Variants in ATG2A observed in about 807,000 individuals in gnomAD.
ATG2A encodes autophagy-related protein 2 homolog A.
A neutral mutation model predicts 214.2 loss-of-function variants in ATG2A; 103 were observed. The observed-to-expected ratio is 0.48, with a 90% CI of 0.41 to 0.57. ATG2A has a LOEUF of 0.57. Ranked by LOEUF, ATG2A falls within the 20% of genes least tolerant of loss-of-function variation. ATG2A has a pLI of 0.00. For missense variants in ATG2A, 2,312 were observed against 2,613.2 expected (o/e 0.88, Z 2.51); for synonymous variants, 1,160 against 1,142.1 (o/e 1.02, Z -0.32).
intron 1 of ATG2A, among the ~76,000 whole-genome samples, chr11:64,915,358 G>A (rs1271076085): frequency 1.3e-5 from 2 of 152,188 alleles, no homozygotes; most frequent in African/African-American, 2.4e-5. Flanking sequence ...ACATGGCAGA[G>A]CAGATGGGAG....
At position 64,906,919 on chromosome 11, in the gene ATG2A, C is replaced by T; in HGVS notation, c.2833-104G>A. 4 of 1,339,060 alleles carry T rather than the reference C, an allele frequency of 3.0e-6. No individual in the cohort carries two copies. In the South Asian group the frequency reaches 5.6e-5, roughly 19 times the overall value. The allele number at this position is 1,339,060 out of a possible 1,614,324, so 82.9% of individuals were successfully genotyped here. ...GAGCCCTGGCCTAAGGGGGTCAGCTCCAGTTTCCACCATGGACGCTGCTGG... is the reference window on the plus strand; with the variant it reads ...GAGCCCTGGCCTAAGGGGGTCAGCTTCAGTTTCCACCATGGACGCTGCTGG... On this transcript the variant is annotated intron_variant, in intron 19 of 40. Coordinates refer to ENST00000377264, the MANE Select transcript of ATG2A (RefSeq NM_015104.3).
intron 16 of ATG2A, 88 bp from the exon 17 acceptor site, chr11:64,907,978 C>A: frequency 1.4e-6 from 2 of 1,450,198 alleles, no homozygotes; most frequent in South Asian, 1.3e-5. Flanking sequence ...GCCCTCCTGT[C>A]GTTCATCATT....
intron 39 of ATG2A, among the ~76,000 whole-genome samples, chr11:64,896,016 G>A (rs901689478): frequency 2.6e-5 from 4 of 152,162 alleles, no homozygotes; most frequent in Admixed American, 6.5e-5. Flanking sequence ...CCCCTTAGCC[G>A]CCTAGGACCA....
rs766633977 is a variant in ATG2A, at chr11:64,913,346, C to A, written c.646G>T (p.Val216Leu). 1.9e-6 allele frequency: 3 copies of A among 1,603,476 alleles called. No homozygotes were observed. The highest frequency in any genetic ancestry group is 4.5e-5 in the East Asian group (2 of 44,506). Residue 216 changes from valine (V) to leucine (L), a missense_variant, in exon 5 of 41, where the codon GTG becomes TTG. Transcript: ENST00000377264. The surrounding 1 kb of genome is among the most constrained non-coding windows in gnomAD (Gnocchi z 4.3). Reference sequence around the variant, plus strand: ...TGCAGGAAGGCAGGCGGCTGATGCACGTCCACCGGCGGCGCCTGGCTTGGG... The same window carrying A: ...TGCAGGAAGGCAGGCGGCTGATGCAAGTCCACCGGCGGCGCCTGGCTTGGG... Reference protein sequence around the residue: ...RDPSQAPPVDVHQPPAFLHKL... With the variant: ...RDPSQAPPVDLHQPPAFLHKL...
Position 64,907,359 on chromosome 11 carries a change from G to A in ATG2A, c.2728C>T (p.Pro910Ser), listed in dbSNP as rs1413133154. ...GGGGCCTCAGGGGCAGCGGCCTGTG[G>A]GCCACCTGATGCCCCCACTGAGAAG... ...HFFSVGASGG[P>S]QAAAPEAPSL... Residue 910 changes from proline to serine, a missense_variant, in exon 19 of 41, where the codon CCA becomes TCA. Pro to Ser is a moderately conservative substitution (Grantham distance 74, BLOSUM62 -1). Coordinates refer to ENST00000377264, the MANE Select transcript of ATG2A (RefSeq NM_015104.3). 1.9e-6 allele frequency: 3 copies of A among 1,559,076 alleles called. No homozygotes were observed. The highest frequency in any genetic ancestry group is 1.9e-5 in the Admixed American group (1 of 51,874).
At position 64,903,054 on chromosome 11, in the gene ATG2A, G is replaced by A. The variant is rs757229057; in HGVS notation, c.3612+234C>T. On this transcript the variant is annotated intron_variant, in intron 26 of 40. Coordinates refer to ENST00000377264, the MANE Select transcript of ATG2A (RefSeq NM_015104.3). This position sits in a 1 kb window ranked among gnomAD's most constrained non-coding sequence, Gnocchi z 4.2. ...GGGCCTCGCTGGTGCCCTGGCTGCCGCGTCCTCTGGTGGCAGGGCTGAAAC... is the reference window on the plus strand; with the variant it reads ...GGGCCTCGCTGGTGCCCTGGCTGCCACGTCCTCTGGTGGCAGGGCTGAAAC... Among the ~76,000 whole-genome samples, 2 of 152,160 alleles carry A rather than the reference G, an allele frequency of 1.3e-5. No individual in the cohort carries two copies. The highest frequency in any genetic ancestry group is 3.8e-4 in the East Asian group (2 of 5,196).
In ATG2A at chr11:64,914,402, G is replaced by A; in HGVS notation, c.270C>T (p.Leu90=). The change falls in exon 2 of 41, where the codon CTC becomes CTT. Residue 90 remains leucine, a synonymous_variant. Transcript: ENST00000377264. The stretch of plus-strand genomic sequence containing the variant: ...ACACGCGCACTGTGCAGTGGTCGGT[G>A]AGCAGAGCAGCCCAGGGCACGGCCA... The part of the protein sequence containing the change: ...IEVAVPWAAL[L]TDHCTVRVSG... 2 of 1,612,116 alleles carry A rather than the reference G, an allele frequency of 1.2e-6. No individual in the cohort carries two copies. The highest frequency in any genetic ancestry group is 1.7e-6 in the Non-Finnish European group (2 of 1,179,566).
chr11:64,913,442 G>A lies in ATG2A; in HGVS notation c.591-41C>T. ...TCAGCCCGTGCCCTGGCCACCCCAGGCCTGGAGCCCCTCTCTCCACACAGT... is the reference window on the plus strand; with the variant it reads ...TCAGCCCGTGCCCTGGCCACCCCAGACCTGGAGCCCCTCTCTCCACACAGT... On this transcript the variant is annotated intron_variant, in intron 4 of 40. Coordinates refer to ENST00000377264, the MANE Select transcript of ATG2A (RefSeq NM_015104.3). This position sits in a 1 kb window ranked among gnomAD's most constrained non-coding sequence, Gnocchi z 4.3. 1.3e-6 allele frequency: 2 copies of A among 1,518,372 alleles called. No individual in the cohort carries two copies. The highest frequency in any genetic ancestry group is 1.8e-6 in the Non-Finnish European group (2 of 1,129,192). 94.1% of individuals were successfully genotyped at this position (1,518,372 alleles called of 1,614,324 possible).
In ATG2A at chr11:64,900,585, C is replaced by A. The variant is rs1451382226; in HGVS notation, c.4373G>T (p.Cys1458Phe). The A allele has an allele frequency of 6.2e-7, 1 of 1,612,738 alleles. No homozygotes were observed. The highest frequency in any genetic ancestry group is 8.5e-7 in the Non-Finnish European group (1 of 1,179,718). ...GTTCTGGGGCCGGTTGGGGCCAGAG[C>A]AGCGGGAAGGGGAGCTCCTGGGACC... is the stretch of plus-strand genomic sequence containing the variant. ...LSGPRSSPSR[C>F]SGPNRPQNSW... The change falls in exon 31 of 41, where the codon TGC (cysteine) becomes TTC (phenylalanine). Residue 1458 changes from cysteine (C) to phenylalanine (F), a missense_variant. Coordinates refer to ENST00000377264, the MANE Select transcript of ATG2A (RefSeq NM_015104.3).
Position 64,913,153 on chromosome 11 carries a change from TA to T in ATG2A, c.727-18del. On this transcript the variant is annotated intron_variant, in intron 5 of 40. Coordinates refer to ENST00000377264, the MANE Select transcript of ATG2A (RefSeq NM_015104.3). This position sits in a 1 kb window ranked among gnomAD's most constrained non-coding sequence, Gnocchi z 4.3. ...AGGCTCTTCCTGGGAGACGGGAGGA[TA>T]CAAGAGGGAAAGGTTGAGAAAATGG... is the stretch of plus-strand genomic sequence containing the variant. 1 of 1,591,274 alleles carries T rather than the reference TA, an allele frequency of 6.3e-7. No homozygotes were observed. The highest frequency in any genetic ancestry group is 8.6e-7 in the Non-Finnish European group (1 of 1,166,976).
intron 6 of ATG2A, chr11:64,912,752 C>A: frequency 2.2e-6 from 1 of 453,132 alleles, no homozygotes; most frequent in Non-Finnish European, 3.9e-6. Context: ...TGCCACCACG[C>A]CTGGCTAATT....
rs775368211 is a variant in ATG2A at position 64,903,405 on chromosome 11, A to T, written c.3536-41T>A. 5 of 1,605,624 alleles carry T rather than the reference A, an allele frequency of 3.1e-6. No individual in the cohort carries two copies. Among genetic ancestry groups the T allele is most frequent in the Non-Finnish European group, 3.4e-6 (4 of 1,173,594 alleles). ...GAGAAAGGTCCTGTGGCCCCCTTCC[A>T]CCCGGCCCCGGCCCCAGCACCTGGG... is the stretch of plus-strand genomic sequence containing the variant. On this transcript the variant is annotated intron_variant, in intron 25 of 40. Transcript: ENST00000377264. The surrounding 1 kb of genome is among the most constrained non-coding windows in gnomAD (Gnocchi z 4.2).
At position 64,911,972 on chromosome 11, in the gene ATG2A, G is replaced by A. The variant is rs781692739; in HGVS notation, c.1098C>T (p.Phe366=). The change falls in exon 9 of 41, where the codon TTC becomes TTT. Residue 366 remains phenylalanine, a synonymous_variant. Transcript: ENST00000377264. The part of the protein sequence containing the change: ...LLNLDNTDLF[F]SMAGLTSSVA... ...CACTGCTTGTGAGGCCAGCCATGGA[G>A]AAGAAGAGGTCTGTGGGTGAAGTGA... 6.2e-6 allele frequency: 10 copies of A among 1,613,770 alleles called. No homozygotes were observed. In the South Asian group the frequency reaches 8.8e-5, roughly 14 times the overall value.
Position 64,894,817 on chromosome 11 carries a change from C to T in ATG2A, c.*156G>A, listed in dbSNP as rs1207160058. ...TAAGGCCCCAAGGCAGGGAGGCCCC[C>T]CTCTCACAGCAGATTGGCAACGGGC... is the stretch of plus-strand genomic sequence containing the variant. On this transcript the variant is annotated 3_prime_UTR_variant, in exon 41 of 41. Coordinates refer to ENST00000377264, the MANE Select transcript of ATG2A (RefSeq NM_015104.3). 2.1e-6 allele frequency: 2 copies of T among 932,650 alleles called. No homozygotes were observed. The highest frequency in any genetic ancestry group is 3.4e-5 in the Admixed American group (2 of 58,238). The allele number at this position is 932,650 out of a possible 1,614,324, so 57.8% of individuals were successfully genotyped here.
chr11:64,901,035 C>T lies in ATG2A; in HGVS notation c.4177G>A (p.Asp1393Asn), dbSNP rs570677948. The T allele has an allele frequency of 1.3e-6, 2 of 1,588,430 alleles. No individual in the cohort carries two copies. Among genetic ancestry groups the T allele is most frequent in the East Asian group, 4.6e-5 (2 of 43,346 alleles). ...CCGATCGGCCGTGAGAAGTAACCGT[C>T]CCTCACAACGATGGGGCCGGGATGC... The part of the protein sequence containing the change: ...QLHPGPIVVR[D>N]GYFSRPIGST... Residue 1393 changes from aspartate (D) to asparagine (N), a missense_variant, in exon 30 of 41, where the codon GAC (aspartate) becomes AAC (asparagine). Coordinates refer to ENST00000377264, the MANE Select transcript of ATG2A (RefSeq NM_015104.3).
At position 64,913,563 on chromosome 11, in the gene ATG2A, T is replaced by TCAGGC. The variant is rs1227215198; in HGVS notation, c.591-167_591-163dup. 9.7e-7 allele frequency: 1 copy of TCAGGC among 1,031,226 alleles called. No homozygotes were observed. The allele number at this position is 1,031,226 out of a possible 1,614,324, so 63.9% of individuals were successfully genotyped here. A position where few individuals can be genotyped will look rare whatever the true frequency, so the allele number is the denominator to read the frequency against. ...GAACCACCATGTCCAGCCCGGAGGC[T>TCAGGC]CAGGCCAGCCCTTGCTCCTCAGACC... On this transcript the variant is annotated intron_variant, in intron 4 of 40. Coordinates refer to ENST00000377264, the MANE Select transcript of ATG2A (RefSeq NM_015104.3). The surrounding 1 kb of genome is among the most constrained non-coding windows in gnomAD (Gnocchi z 4.3).
intron 9 of ATG2A, among the ~76,000 whole-genome samples, 191 bp downstream of exon 9, chr11:64,911,651 G>T (rs886541611): frequency 1.3e-5 from 2 of 152,166 alleles, no homozygotes; most frequent in Non-Finnish European, 2.9e-5. Flanking sequence ...TAAGATCAAT[G>T]ACTGAAAAAC....
In ATG2A at chr11:64,902,561, G is replaced by A. The variant is rs1411529144; in HGVS notation, c.3732C>T (p.His1244=). 8.9e-6 allele frequency: 14 copies of A among 1,566,786 alleles called. No individual in the cohort carries two copies. Among genetic ancestry groups the A allele is most frequent in the Non-Finnish European group, 1.1e-5 (13 of 1,158,896 alleles). ...TGGGGCTGGGGGGCCGGGGTGGGGG[G>A]TGCAGATCGCCTGTGCTCATTACGT... ...LQYVMSTGDL[H]PPPRPPSPTE... Residue 1244 remains histidine, a synonymous_variant, in exon 27 of 41, where the codon CAC becomes CAT. Coordinates refer to ENST00000377264, the MANE Select transcript of ATG2A (RefSeq NM_015104.3).
rs763069761 is a variant in ATG2A, at chr11:64,910,729, C to T, written c.1615-21G>A. On this transcript the variant is annotated intron_variant, in intron 11 of 40. Coordinates refer to ENST00000377264, the MANE Select transcript of ATG2A (RefSeq NM_015104.3). ...AGGATCTGGGATGGGACCCGGGAGG[C>T]ACACAGGGTCAGGCCTGGCCCCACA... 4.3e-6 allele frequency: 7 copies of T among 1,609,854 alleles called. No individual in the cohort carries two copies. In the Admixed American group the frequency reaches 8.4e-5, roughly 19 times the overall value.
Sources: allele counts gnomAD v4.1 joint callset (sites outside exome capture counted in the v4.1 genomes callset), GRCh38; gene constraint gnomAD v4.1.1; non-coding constraint Gnocchi (gnomAD v3.1); transcripts MANE v1.5; gene names NCBI Gene and HGNC (gene_info 2026-07-23, HGNC 2026-07-21).